The following BCOR variants were observed in gnomAD, a reference collection of about 807,000 sequenced individuals.
The protein encoded by BCOR is BCL-6 corepressor.
BCOR carries 10 observed loss-of-function variants against 86.7 expected under a neutral mutation model. The observed-to-expected ratio is 0.12, with a 90% CI of 0.07 to 0.20. BCOR has a LOEUF of 0.20. Among genes scored for constraint, BCOR ranks in the 10% least tolerant of loss-of-function variants. BCOR has a pLI of 1.00. For missense variants in BCOR, 1,259 were observed against 1,452.1 expected (o/e 0.87, Z 2.16); for synonymous variants, 611 against 609.0 (o/e 1.00, Z -0.05).
intron 1 of BCOR, among the ~76,000 whole-genome samples, chrX:40,158,041 G>A (rs973500336): frequency 7.1e-5 from 8 of 112,407 alleles, no homozygotes; most frequent in African/African-American, 2.3e-4. Flanking sequence ...AGGTGTCCCA[G>A]GGCTGGAAGA....
intron 1 of BCOR, among the ~76,000 whole-genome samples, chrX:40,109,939 C>A (rs1373550057): frequency 8.9e-6 from 1 of 112,256 alleles, no homozygotes; most frequent in Non-Finnish European, 1.9e-5. Flanking sequence ...GGTTCCGCGG[C>A]CCCCCGGGCC....
intron 1 of BCOR, among the ~76,000 whole-genome samples, chrX:40,088,818 C>T (rs1452739371): frequency 8.9e-6 from 1 of 112,216 alleles, no homozygotes; most frequent in Non-Finnish European, 1.9e-5. Context: ...TCACCTCTTC[C>T]AACCAGGTCT....
chrX:40,077,756 T>C, intron 2 of BCOR, 88 bp downstream of exon 2: 2 of 889,556 alleles, frequency 2.2e-6, no homozygotes, highest in South Asian at 2.0e-5. Flanking sequence ...CCCACCCCTT[T>C]TGGGCCCACG....
chrX:40,058,533 G>A (rs184076325), intron 10 of BCOR, among the ~76,000 whole-genome samples: 11 of 111,939 alleles, frequency 9.8e-5, no homozygotes, highest in Non-Finnish European at 1.7e-4. Flanking sequence ...ACCCATAAAC[G>A]TGAGGTGAGT....
At chrX:40,110,629 A>ATTTTC (rs1279398092) in intron 1 of BCOR, among the ~76,000 whole-genome samples, 78 of 50,876 alleles carry the variant, frequency 1.5e-3, no homozygotes, top group Non-Finnish European at 2.3e-3. Flanking sequence ...ACAATCAACC[A>ATTTTC]TTTTCTTTTC....
intron 1 of BCOR, among the ~76,000 whole-genome samples, chrX:40,158,243 G>A (rs1480703856): frequency 8.9e-6 from 1 of 112,561 alleles, no homozygotes; most frequent in Non-Finnish European, 1.9e-5. Flanking sequence ...AAGGAGGAGC[G>A]GCTTCGCGCC....
In BCOR at chrX:40,073,768, C is replaced by T. The variant is rs770926725; in HGVS notation, c.1578G>A (p.Ser526=). 3.1e-5 allele frequency: 38 copies of T among 1,212,648 alleles called. No individual in the cohort carries two copies. Among genetic ancestry groups the T allele is most frequent in the Non-Finnish European group, 3.9e-5 (35 of 895,713 alleles). The stretch of plus-strand genomic sequence containing the variant: ...CCCAGTCCAATGCCTTGTTTTTCAG[C>T]GACATGCTTTTGCCATTGTTCTCTT... ...PNEENNGKSM[S]LKNKALDWAI... Residue 526 remains serine, a synonymous_variant, in exon 4 of 15, where the codon TCG becomes TCA. Coordinates refer to ENST00000378444, the MANE Select transcript of BCOR (RefSeq NM_001123385.2).
At chrX:40,080,710 T>C (rs929356388) in intron 1 of BCOR, among the ~76,000 whole-genome samples, 13 of 110,847 alleles carry the variant, frequency 1.2e-4, no homozygotes, top group African/African-American at 3.9e-4. Context: ...TTTGGGGCTT[T>C]CCATATTAAT....
intron 1 of BCOR, among the ~76,000 whole-genome samples, chrX:40,118,518 C>T (rs1253068893): frequency 9.1e-6 from 1 of 110,338 alleles, no homozygotes; most frequent in Non-Finnish European, 1.9e-5. Flanking sequence ...CCACCCGTCT[C>T]GGCCTCCCAA....
chrX:40,147,295 G>T (rs1938079616), intron 1 of BCOR, among the ~76,000 whole-genome samples: 1 of 112,652 alleles, frequency 8.9e-6, no homozygotes, highest in Non-Finnish European at 1.9e-5. Flanking sequence ...TGCAAAGTAG[G>T]TCTCATTAAA....
intron 1 of BCOR, among the ~76,000 whole-genome samples, chrX:40,160,662 T>TG (rs1938396198): frequency 1.1e-5 from 1 of 94,366 alleles, no homozygotes; most frequent in African/African-American, 3.9e-5. Context: ...TCCTCTACTT[T>TG]TTTTTTTTTT....
intron 1 of BCOR, among the ~76,000 whole-genome samples, chrX:40,092,163 A>G (rs1222748308): frequency 1.8e-5 from 2 of 111,751 alleles, no homozygotes; most frequent in Middle Eastern, 4.2e-3. Flanking sequence ...TCCTCGAGGA[A>G]ACCACCGGGG....
In BCOR at chrX:40,052,117, A is replaced by T; in HGVS notation, c.5260T>A (p.Tyr1754Asn). 8.4e-7 allele frequency: 1 copy of T among 1,195,476 alleles called. No individual in the cohort carries two copies. Among genetic ancestry groups the T allele is most frequent in the Admixed American group, 2.3e-5 (1 of 43,522 alleles). Residue 1754 changes from tyrosine (Y) to asparagine (N), a missense_variant, in exon 15 of 15, where the codon TAC (tyrosine) becomes AAC (asparagine). Tyr to Asn is a moderately radical substitution (Grantham distance 143). This residue lies in a region of BCOR where 137 missense variants were observed against 149.8 expected (regional missense o/e 0.91). Transcript: ENST00000378444. ...LHPSDLASDN[Y>N]W ...TGGTGGGTCCAGCTTGCTCACCAGTAGTTGTCTGAGGCCAGATCACTGGGG... is the reference window on the plus strand; with the variant it reads ...TGGTGGGTCCAGCTTGCTCACCAGTTGTTGTCTGAGGCCAGATCACTGGGG...
At chrX:40,099,284 G>C (rs1026288444), upstream of BCOR, among the ~76,000 whole-genome samples, 16 of 112,313 alleles carry the variant, frequency 1.4e-4, no homozygotes, top group Non-Finnish European at 2.6e-4. Flanking sequence ...GGAGCGCAAA[G>C]CCTCAAGGGC....
At chrX:40,102,636 C>G (rs1937094163), upstream of BCOR, among the ~76,000 whole-genome samples, 2 of 113,763 alleles carry the variant, frequency 1.8e-5, no homozygotes, top group African/African-American at 3.2e-5. Context: ...CCCAGTGTGC[C>G]GGCCTCCGGC....
rs1935484961 is a variant in BCOR at position 40,071,702 on chromosome X, A to G, written c.2998-12T>C. 8.7e-7 allele frequency: 1 copy of G among 1,155,202 alleles called. No homozygotes were observed. The highest frequency in any genetic ancestry group is 1.2e-6 in the Non-Finnish European group (1 of 844,448). On this transcript the variant is annotated splice_polypyrimidine_tract_variant and intron_variant, in intron 4 of 14. Coordinates refer to ENST00000378444, the MANE Select transcript of BCOR (RefSeq NM_001123385.2). ...TGTAATCCTTCCATCTATGTAATTA[A>G]AATGGGCACTCAATGGATCATTTAG... is the stretch of plus-strand genomic sequence containing the variant.
At chrX:40,163,990 C>T (rs1175872034) in intron 1 of BCOR, among the ~76,000 whole-genome samples, 1 of 106,392 alleles carries the variant, frequency 9.4e-6, no homozygotes, top group African/African-American at 3.5e-5. Flanking sequence ...TGCCACTGCA[C>T]TCCAGCCTGG....
chrX:40,116,008 C>G (rs930056707), intron 1 of BCOR, among the ~76,000 whole-genome samples: 30 of 111,005 alleles, frequency 2.7e-4, no homozygotes, highest in Non-Finnish European at 3.4e-4. Flanking sequence ...AGGTAGTTCA[C>G]GAAGGGATAA....
At chrX:40,089,567 C>T (rs1201545870) in intron 1 of BCOR, among the ~76,000 whole-genome samples, 1 of 110,650 alleles carries the variant, frequency 9.0e-6, no homozygotes, top group Non-Finnish European at 1.9e-5. Context: ...TTCACCATTT[C>T]CCCCTACATC....
Sources: gnomAD v4.1 joint callset for allele counts (sites outside exome capture counted in the v4.1 genomes callset) on GRCh38, gnomAD v4.1.1 for gene constraint, gnomAD v4.1.1 regional missense constraint, MANE v1.5 for transcripts, NCBI Gene and HGNC (gene_info 2026-07-23, HGNC 2026-07-21) for gene names.